Variants in ANK2 observed in about 807,000 individuals in gnomAD.
ANK2 encodes the protein ankyrin-2.
In ANK2, 83 loss-of-function variants were observed where a neutral mutation model predicts 360.5. The observed-to-expected ratio is 0.23, with a 90% CI of 0.19 to 0.28. ANK2 has a LOEUF of 0.28. Ranked by LOEUF, ANK2 falls within the 10% of genes least tolerant of loss-of-function variation. ANK2 has a pLI of 1.00. For synonymous variants in ANK2, 1,740 were observed against 1,759.5 expected (o/e 0.99, Z 0.28); for missense variants, 4,201 against 4,795.7 (o/e 0.88, Z 3.66).
At chr4:113,210,752 G>A (rs1282394409) in intron 4 of ANK2, among the ~76,000 whole-genome samples, 3 of 152,130 alleles carry the variant, frequency 2.0e-5, no homozygotes, top group Non-Finnish European at 2.9e-5. Context: ...GGCACTCTAC[G>A]TTAGTTGCTG....
the ANK2 span, among the ~76,000 whole-genome samples, chr4:112,718,926 C>T: frequency 1.0e-4 from 7 of 69,080 alleles, no homozygotes; most frequent in Admixed American, 5.8e-4. Flanking sequence ...CATGAGCCAC[C>T]GCACCCGGTC....
At chr4:112,831,493 G>T (rs2059717239) in intron 1 of ANK2, among the ~76,000 whole-genome samples, 1 of 152,120 alleles carries the variant, frequency 6.6e-6, no homozygotes, top group Admixed American at 6.5e-5. Context: ...ACACCAATCA[G>T]CACCCTGTGT....
intron 27 of ANK2, among the ~76,000 whole-genome samples, chr4:113,331,283 G>A (rs1413587803): frequency 6.6e-6 from 1 of 152,154 alleles, no homozygotes; most frequent in Non-Finnish European, 1.5e-5. Context: ...CTTTTACTTT[G>A]CCGATGTCAT....
At chr4:112,803,517 C>G in the ANK2 span, among the ~76,000 whole-genome samples, 2 of 152,028 alleles carry the variant, frequency 1.3e-5, no homozygotes, top group Non-Finnish European at 2.9e-5. Flanking sequence ...TTGGCTGCCA[C>G]CGGAAGCTGG....
At chr4:112,900,582 A>G (rs1419228790) in intron 1 of ANK2, among the ~76,000 whole-genome samples, 1 of 152,200 alleles carries the variant, frequency 6.6e-6, no homozygotes, top group Non-Finnish European at 1.5e-5. Context: ...TATTGGGTAC[A>G]ATGTTCACTA....
At chr4:112,905,624 A>G (rs1195965140) in intron 2 of ANK2, among the ~76,000 whole-genome samples, 1 of 152,180 alleles carries the variant, frequency 6.6e-6, no homozygotes, top group Non-Finnish European at 1.5e-5. Flanking sequence ...AATGTTGGTA[A>G]TGAGATAACA....
intron 1 of ANK2, among the ~76,000 whole-genome samples, chr4:113,097,359 A>G (rs945495233): frequency 6.6e-6 from 1 of 152,046 alleles, no homozygotes; most frequent in Non-Finnish European, 1.5e-5. Flanking sequence ...ACTCAGCAAC[A>G]TAATTCCTTT....
chr4:113,006,094 TG>T (rs2052746327), intron 2 of ANK2, among the ~76,000 whole-genome samples: 1 of 152,182 alleles, frequency 6.6e-6, no homozygotes, highest in African/African-American at 2.4e-5. Flanking sequence ...CAACACAGAA[TG>T]GACTAACACA....
chr4:113,131,816 T>TAA (rs1378342155), intron 1 of ANK2, among the ~76,000 whole-genome samples: 3 of 152,218 alleles, frequency 2.0e-5, no homozygotes, highest in African/African-American at 7.2e-5. Context: ...CCACATATCC[T>TAA]AAAGAAGCAG....
intron 1 of ANK2, among the ~76,000 whole-genome samples, chr4:113,096,146 G>A (rs1483269350): frequency 6.6e-6 from 1 of 152,130 alleles, no homozygotes. Flanking sequence ...ACAGCAACCA[G>A]CCTTTCCTAT....
intron 1 of ANK2, among the ~76,000 whole-genome samples, chr4:112,885,578 C>G (rs1443818445): frequency 6.6e-6 from 1 of 151,342 alleles, no homozygotes; most frequent in Non-Finnish European, 1.5e-5. Flanking sequence ...GGGCAGATCA[C>G]GAGGTCAGGA....
At chr4:113,048,571 C>T (rs1026648489), upstream of ANK2, among the ~76,000 whole-genome samples, 4 of 151,206 alleles carry the variant, frequency 2.6e-5, no homozygotes, top group African/African-American at 9.7e-5. Flanking sequence ...CTGCGCCCAG[C>T]CTACAAGTTA....
intron 22 of ANK2, among the ~76,000 whole-genome samples, chr4:113,297,928 G>T (rs1301168789): frequency 6.6e-6 from 1 of 151,950 alleles, no homozygotes; most frequent in Non-Finnish European, 1.5e-5. Context: ...TAGTAGGTGG[G>T]CAGGTGCCAC....
chr4:113,194,833 G>C (rs1370810700), intron 2 of ANK2, among the ~76,000 whole-genome samples: 1 of 152,016 alleles, frequency 6.6e-6, no homozygotes, highest in Non-Finnish European at 1.5e-5. Context: ...CATAAAGTCA[G>C]TATCAATGAC....
At chr4:113,361,089 C>G (rs2096191244) in intron 39 of ANK2, among the ~76,000 whole-genome samples, 192 bp downstream of exon 39, 1 of 152,174 alleles carries the variant, frequency 6.6e-6, no homozygotes, top group Non-Finnish European at 1.5e-5. Context: ...TTTATCATCT[C>G]TGAAATTTAG....
At chr4:112,971,298 C>T (rs1159773352) in intron 2 of ANK2, among the ~76,000 whole-genome samples, 6 of 152,186 alleles carry the variant, frequency 3.9e-5, no homozygotes, top group Admixed American at 1.3e-4. Flanking sequence ...AGACTTTATT[C>T]GCATTTCTAC....
intron 1 of ANK2, chr4:113,151,204 A>G: frequency 8.6e-7 from 1 of 1,164,928 alleles, no homozygotes. Context: ...CTTCTGCTCA[A>G]AAAAGGAATG....
At position 113,255,358 on chromosome 4, in the gene ANK2, G is replaced by A. The variant is rs2048727063; in HGVS notation, c.991-377G>A. Among the ~76,000 whole-genome samples the A allele has an allele frequency of 2.6e-5, 4 of 152,196 alleles. No individual in the cohort carries two copies. The South Asian group carries it at 6.2e-4, about 24-fold the overall frequency. On this transcript the variant is annotated intron_variant, in intron 10 of 45. Transcript: ENST00000357077. ...CCCTCTGTATTTATAAGAAATGCAG[G>A]CAGAGAGATTAAGTGAATGCAGACT...
intron 2 of ANK2, among the ~76,000 whole-genome samples, chr4:113,195,137 C>A (rs987096482): frequency 2.6e-5 from 4 of 152,090 alleles, no homozygotes; most frequent in African/African-American, 9.7e-5. Context: ...ATTGTCATGT[C>A]TTTTGCCTCT....
Sources: allele counts gnomAD v4.1 joint callset (sites outside exome capture counted in the v4.1 genomes callset), GRCh38; gene constraint gnomAD v4.1.1; transcripts MANE v1.5; gene names NCBI Gene and HGNC (gene_info 2026-07-23, HGNC 2026-07-21).